HCRTR2: variants seen among roughly 807,000 people sequenced by gnomAD.
HCRTR2 encodes the protein hypocretin receptor 2, also known as orexin receptor type 2.
A neutral mutation model predicts 49.0 loss-of-function variants in HCRTR2; 22 were observed. The observed-to-expected ratio is 0.45, with a 90% CI of 0.32 to 0.64. HCRTR2 has a LOEUF of 0.64. HCRTR2 is among the 30% of genes least tolerant of loss of function. The pLI is 0.04. For synonymous variants in HCRTR2, 236 were observed against 205.3 expected, an observed-to-expected ratio of 1.15 and a Z score of -1.28; for missense variants, 491 against 559.4, an observed-to-expected ratio of 0.88 and a Z score of 1.23.
At chr6:55,171,958 A>G (rs1029733296), upstream of HCRTR2, among the ~76,000 whole-genome samples, 4 of 152,302 alleles carry the variant, frequency 2.6e-5, no homozygotes, top group Non-Finnish European at 5.9e-5. Flanking sequence ...TTAAGTTGCA[A>G]CAACCTTTCC....
intron 6 of HCRTR2, 101 bp downstream of exon 6, chr6:55,280,545 T>C: frequency 6.6e-7 from 1 of 1,516,886 alleles, no homozygotes; most frequent in Non-Finnish European, 9.0e-7. Flanking sequence ...GCTATGTGAG[T>C]TGTATTTTTT....
At chr6:55,282,627 A>C (rs199777835), downstream of HCRTR2, 1 of 600,756 alleles carries the variant, frequency 1.7e-6, no homozygotes, top group African/African-American at 1.9e-5. Context: ...ATGATTTCTC[A>C]ACTTTTGATT....
At chr6:55,190,053 C>T (rs1765290025) in intron 1 of HCRTR2, among the ~76,000 whole-genome samples, 1 of 152,030 alleles carries the variant, frequency 6.6e-6, no homozygotes, top group South Asian at 2.1e-4. Flanking sequence ...GCTATGCAAG[C>T]AATAGATACA....
chr6:55,245,371 G>A (rs895602271), intron 1 of HCRTR2, among the ~76,000 whole-genome samples: 2 of 137,332 alleles, frequency 1.5e-5, no homozygotes, highest in African/African-American at 5.4e-5. Flanking sequence ...ATGTGTGTGT[G>A]TATATATATA....
chr6:55,237,640 T>G (rs531792676), intron 1 of HCRTR2, among the ~76,000 whole-genome samples: 1 of 152,332 alleles, frequency 6.6e-6, no homozygotes, highest in East Asian at 1.9e-4. Flanking sequence ...AGCATCTCCC[T>G]CTTGCATTTT....
At chr6:55,124,480 CTG>C (rs1454265808) in intron 1 of HCRTR2, among the ~76,000 whole-genome samples, 2 of 151,166 alleles carry the variant, frequency 1.3e-5, no homozygotes, top group African/African-American at 4.8e-5. Context: ...GTCTGAGAGA[CTG>C]TTGCAATTTC....
intron 1 of HCRTR2, among the ~76,000 whole-genome samples, chr6:55,135,322 A>C (rs1561982837): frequency 6.6e-6 from 1 of 152,132 alleles, no homozygotes; most frequent in Non-Finnish European, 1.5e-5. Context: ...GATAAAACCC[A>C]TAATTAGTTC....
intron 1 of HCRTR2, among the ~76,000 whole-genome samples, chr6:55,241,370 C>T (rs1435683711): frequency 6.6e-6 from 1 of 151,952 alleles, no homozygotes; most frequent in Non-Finnish European, 1.5e-5. Flanking sequence ...AAACTCATTC[C>T]GGAAGTGACG....
At chr6:55,134,374 G>A (rs1420591762) in intron 1 of HCRTR2, among the ~76,000 whole-genome samples, 1 of 151,604 alleles carries the variant, frequency 6.6e-6, no homozygotes, top group Admixed American at 6.6e-5. Context: ...TTTATAATAT[G>A]ATAACTGGAT....
At chr6:55,214,769 C>T (rs1034601628) in intron 1 of HCRTR2, among the ~76,000 whole-genome samples, 1 of 151,536 alleles carries the variant, frequency 6.6e-6, no homozygotes, top group African/African-American at 2.4e-5. Context: ...AAGAATCAAA[C>T]AAAATTTGCA....
At chr6:55,236,591 C>T (rs927363208) in intron 1 of HCRTR2, among the ~76,000 whole-genome samples, 1 of 152,102 alleles carries the variant, frequency 6.6e-6, no homozygotes, top group Non-Finnish European at 1.5e-5. Flanking sequence ...TGTGCACTTA[C>T]TCCTGATCAC....
intron 1 of HCRTR2, among the ~76,000 whole-genome samples, chr6:55,210,451 G>A (rs993372746): frequency 6.6e-6 from 1 of 152,124 alleles, no homozygotes; most frequent in East Asian, 1.9e-4. Flanking sequence ...CTGGCCTGGG[G>A]CAATTCAGAT....
At chr6:55,138,944 C>G (rs1032017697) in intron 1 of HCRTR2, among the ~76,000 whole-genome samples, 1 of 152,064 alleles carries the variant, frequency 6.6e-6, no homozygotes, top group Non-Finnish European at 1.5e-5. Context: ...TTTAGGGGAC[C>G]CTTGACATAT....
chr6:55,196,342 CAAG>C (rs748242513), intron 1 of HCRTR2, among the ~76,000 whole-genome samples: 1 of 152,178 alleles, frequency 6.6e-6, no homozygotes, highest in Non-Finnish European at 1.5e-5. Flanking sequence ...ATTTGATGCA[CAAG>C]GAAGTATCGG....
At chr6:55,194,611 C>T (rs1011014757) in intron 1 of HCRTR2, among the ~76,000 whole-genome samples, 3 of 152,156 alleles carry the variant, frequency 2.0e-5, no homozygotes, top group Non-Finnish European at 2.9e-5. Flanking sequence ...TACTCCAAAT[C>T]TTAACATGAG....
At chr6:55,161,122 T>A (rs188716142) in intron 1 of HCRTR2, among the ~76,000 whole-genome samples, 1 of 152,102 alleles carries the variant, frequency 6.6e-6, no homozygotes, top group Admixed American at 6.5e-5. Flanking sequence ...ACTAAAATCA[T>A]AACAAACAGT....
intron 4 of HCRTR2, among the ~76,000 whole-genome samples, chr6:55,275,975 A>AGACT (rs1253473246): frequency 2.0e-5 from 3 of 151,744 alleles, no homozygotes; most frequent in Non-Finnish European, 4.4e-5. Context: ...TTTAGAAGAC[A>AGACT]GTTCAAGATC....
At chr6:55,159,974 G>A (rs1195197798) in intron 1 of HCRTR2, among the ~76,000 whole-genome samples, 1 of 152,092 alleles carries the variant, frequency 6.6e-6, no homozygotes, top group Non-Finnish European at 1.5e-5. Context: ...TTTAAATTCA[G>A]GAAATACAGA....
At chr6:55,207,123 A>G (rs1216253584) in intron 1 of HCRTR2, among the ~76,000 whole-genome samples, 2 of 152,158 alleles carry the variant, frequency 1.3e-5, no homozygotes, top group African/African-American at 4.8e-5. Flanking sequence ...GGAAATTCAT[A>G]GATTATTGAG....
Sources: gnomAD v4.1 joint callset for allele counts (sites outside exome capture counted in the v4.1 genomes callset) on GRCh38, gnomAD v4.1.1 for gene constraint, MANE v1.5 for transcripts, NCBI Gene and HGNC (gene_info 2026-07-23, HGNC 2026-07-21) for gene names.